Variants in WDR36 observed in about 807,000 individuals in gnomAD.
The protein encoded by WDR36 is WD repeat domain 36, also known as WD repeat-containing protein 36.
Under a neutral mutation model 112.7 loss-of-function variants are expected in WDR36, and 63 were observed. That is an observed-to-expected ratio of 0.56 (90% CI 0.46 to 0.69). The LOEUF (loss-of-function observed/expected upper bound fraction) is 0.69. Among genes scored for constraint, WDR36 ranks in the 30% least tolerant of loss-of-function variants. The pLI is 0.00. For missense variants in WDR36, 1,226 were observed against 1,070.3 expected (o/e 1.15, Z -2.03); for synonymous variants, 410 against 362.2 (o/e 1.13, Z -1.50).
intron 6 of WDR36, among the ~76,000 whole-genome samples, chr5:111,102,980 A>G (rs1177155731): frequency 1.5e-4 from 22 of 151,530 alleles, no homozygotes; most frequent in Non-Finnish European, 4.4e-5. Context: ...TGCCCAATTT[A>G]TATGTATTCC....
intron 1 of WDR36, among the ~76,000 whole-genome samples, chr5:111,093,167 C>A (rs538351009): frequency 1.3e-5 from 2 of 152,324 alleles, no homozygotes; most frequent in Admixed American, 1.3e-4. Flanking sequence ...ACATAGGTGT[C>A]ATTATACCGT....
At chr5:111,097,635 A>G (rs950298685) in intron 3 of WDR36, among the ~76,000 whole-genome samples, 5 of 152,230 alleles carry the variant, frequency 3.3e-5, no homozygotes, top group African/African-American at 1.2e-4. Flanking sequence ...CGCTGTTTAG[A>G]GAAAGCTAGA....
At chr5:111,114,872 A>G (rs750380120) in intron 16 of WDR36, among the ~76,000 whole-genome samples, 4 of 152,188 alleles carry the variant, frequency 2.6e-5, no homozygotes, top group Non-Finnish European at 5.9e-5. Context: ...TTTAGTTTAT[A>G]TTAGTGAGAG....
At chr5:111,106,634 A>T (rs1281570570) in intron 11 of WDR36, among the ~76,000 whole-genome samples, 2 of 151,458 alleles carry the variant, frequency 1.3e-5, no homozygotes, top group Non-Finnish European at 3.0e-5. Flanking sequence ...TTCTATTTGA[A>T]AGTTGTTATT....
At position 111,104,361 on chromosome 5, in the gene WDR36, A is replaced by G. The variant is rs200187679; in HGVS notation, c.906+9A>G. On this transcript the variant is annotated intron_variant, in intron 8 of 22. Transcript: ENST00000513710. ...CTGACAATGCTCTTAGGGTATTATGATTATTGTTAACATCTTCCTGGCTCA... is the reference window on the plus strand; with the variant it reads ...CTGACAATGCTCTTAGGGTATTATGGTTATTGTTAACATCTTCCTGGCTCA... 3 of 1,611,482 alleles carry G rather than the reference A, an allele frequency of 1.9e-6. No individual in the cohort carries two copies. Among genetic ancestry groups the G allele is most frequent in the South Asian group, 1.1e-5 (1 of 91,054 alleles).
At chr5:111,118,962 C>A (rs761561199) in intron 16 of WDR36, 51 bp from the exon 17 acceptor site, 1 of 1,450,340 alleles carries the variant, frequency 6.9e-7, no homozygotes, top group Non-Finnish European at 9.7e-7. Context: ...TGTGAATTAT[C>A]TCCTTTTTGG....
At chr5:111,096,612 G>A (rs1421688644) in intron 2 of WDR36, among the ~76,000 whole-genome samples, 1 of 152,022 alleles carries the variant, frequency 6.6e-6, no homozygotes, top group Admixed American at 6.5e-5. Flanking sequence ...GCTGAGGCAG[G>A]AGAATCAGTT....
intron 16 of WDR36, among the ~76,000 whole-genome samples, chr5:111,118,163 T>C (rs1753494393): frequency 6.6e-6 from 1 of 152,210 alleles, no homozygotes; most frequent in Admixed American, 6.5e-5. Flanking sequence ...AGACATTGTA[T>C]GCAGCCTTAT....
rs1753742117 is a variant in WDR36 at position 111,129,432 on chromosome 5, T to G, written c.*2549T>G. 3 of 193,424 alleles carry G rather than the reference T, an allele frequency of 1.6e-5. No individual in the cohort carries two copies. The highest frequency in any genetic ancestry group is 6.9e-5 in the African/African-American group (3 of 43,240). The allele number at this position is 193,424 out of a possible 1,614,324, so 12.0% of individuals were successfully genotyped here. A position where few individuals can be genotyped will look rare whatever the true frequency, so the allele number is the denominator to read the frequency against. ...TTGGATTTTTGTAATTTAATTACTCTGAAAAAATTATTTTGGTTTTAAATC... is the reference window on the plus strand; with the variant it reads ...TTGGATTTTTGTAATTTAATTACTCGGAAAAAATTATTTTGGTTTTAAATC... On this transcript the variant is annotated 3_prime_UTR_variant, in exon 23 of 23. Transcript: ENST00000513710.
chr5:111,110,268 C>G lies in WDR36; in HGVS notation c.1406C>G (p.Ser469Cys), dbSNP rs1753299580. 1 of 1,610,856 alleles carries G rather than the reference C, an allele frequency of 6.2e-7. No homozygotes were observed. The highest frequency in any genetic ancestry group is 1.1e-5 in the South Asian group (1 of 91,024). ...SGTVDVYNMQ[S>C]GIHRGSFGKD... ...ACTGTAGATGTATATAACATGCAGT[C>G]TGGCATACATCGAGGAAGTTTTGGC... The change falls in exon 13 of 23, where the codon TCT (serine) becomes TGT (cysteine). Residue 469 changes from serine to cysteine, a missense_variant. Transcript: ENST00000513710.
chr5:111,121,456 C>T lies in WDR36; in HGVS notation c.2148+315C>T, dbSNP rs547939467. Among the ~76,000 whole-genome samples the T allele has an allele frequency of 4.6e-5, 7 of 152,168 alleles. 1 individual carries two copies. The South Asian group carries it at 1.5e-3, about 32-fold the overall frequency. On this transcript the variant is annotated intron_variant, in intron 19 of 22. Transcript: ENST00000513710. Reference sequence around the variant, plus strand: ...ATCACTTTTATATAAGTTTCTAAAACGAGCGGGAACACATATGGCTATTAT... The same window carrying T: ...ATCACTTTTATATAAGTTTCTAAAATGAGCGGGAACACATATGGCTATTAT...
chr5:111,116,617 CT>C (rs34624588), intron 16 of WDR36, among the ~76,000 whole-genome samples: 84,176 of 151,922 alleles, frequency 0.55, 24,515 homozygotes, highest in African/African-American at 0.73. Flanking sequence ...TTGGGACTTA[CT>C]TTTTTAAGAT....
intron 2 of WDR36, 21 bp downstream of exon 2, chr5:111,094,968 G>C: frequency 6.2e-7 from 1 of 1,601,534 alleles, no homozygotes; most frequent in Non-Finnish European, 8.5e-7. Flanking sequence ...ACTTTATTCT[G>C]AATTTATGCA....
At chr5:111,095,495 C>T (rs1412344853) in intron 2 of WDR36, among the ~76,000 whole-genome samples, 1 of 152,198 alleles carries the variant, frequency 6.6e-6, no homozygotes, top group South Asian at 2.1e-4. Flanking sequence ...TATGATGATA[C>T]TTGCCTGAAT....
intron 2 of WDR36, 167 bp from the exon 3 acceptor site, chr5:111,096,912 A>T (rs887383448): frequency 2.5e-5 from 14 of 553,070 alleles, no homozygotes; most frequent in Non-Finnish European, 3.5e-5. Context: ...AGTTACTATT[A>T]GATATCTAAA....
At chr5:111,124,047 A>G in intron 20 of WDR36, 61 bp from the exon 21 acceptor site, 1 of 1,600,460 alleles carries the variant, frequency 6.2e-7, no homozygotes. Context: ...TTAATTACAA[A>G]CTATACATTT....
rs569210843 is a variant in WDR36, at chr5:111,096,965, C to G, written c.191-114C>G. 6 of 699,522 alleles carry G rather than the reference C, an allele frequency of 8.6e-6. No homozygotes were observed. The Admixed American group carries it at 1.2e-4, about 14-fold the overall frequency. The allele number at this position is 699,522 out of a possible 1,614,324, so 43.3% of individuals were successfully genotyped here. A position where few individuals can be genotyped will look rare whatever the true frequency, so the allele number is the denominator to read the frequency against. On this transcript the variant is annotated intron_variant, in intron 2 of 22. Coordinates refer to ENST00000513710, the MANE Select transcript of WDR36 (RefSeq NM_139281.3). ...TTATACACTGATTCTCAACTTTGAT[C>G]TTTATTTATATATTTTTTTAAATTA...
At position 111,128,623 on chromosome 5, in the gene WDR36, C is replaced by T. The variant is rs886059775; in HGVS notation, c.*1740C>T. The T allele has an allele frequency of 5.0e-5, 9 of 181,288 alleles. No individual in the cohort carries two copies. The highest frequency in any genetic ancestry group is 9.4e-5 in the Non-Finnish European group (8 of 84,924). 11.2% of individuals were successfully genotyped at this position (181,288 alleles called of 1,614,324 possible). ...TTGTATTGCTTACAGAAATCATGAACCGAATTTTCTTCTCTTTTTAAAGTG... is the reference window on the plus strand; with the variant it reads ...TTGTATTGCTTACAGAAATCATGAATCGAATTTTCTTCTCTTTTTAAAGTG... On this transcript the variant is annotated 3_prime_UTR_variant, in exon 23 of 23. Transcript: ENST00000513710.
At chr5:111,094,850 A>G (rs1317367472) in intron 1 of WDR36, 70 bp from the exon 2 acceptor site, 20 of 1,268,230 alleles carry the variant, frequency 1.6e-5, no homozygotes, top group Non-Finnish European at 2.0e-5. Flanking sequence ...TTATATCTTA[A>G]TCTTCAGGTG....
Sources: allele counts gnomAD v4.1 joint callset (sites outside exome capture counted in the v4.1 genomes callset), GRCh38; gene constraint gnomAD v4.1.1; transcripts MANE v1.5; gene names NCBI Gene and HGNC (gene_info 2026-07-23, HGNC 2026-07-21).